GSK3B: variants seen among roughly 807,000 people sequenced by gnomAD.
GSK3B encodes glycogen synthase kinase 3 beta, also known as glycogen synthase kinase-3 beta.
GSK3B carries 15 observed loss-of-function variants against 56.4 expected under a neutral mutation model. That is an observed-to-expected ratio of 0.27 (90% CI 0.18 to 0.41). The LOEUF is 0.41. Ranked by LOEUF, GSK3B falls within the 10% of genes least tolerant of loss-of-function variation. GSK3B has a pLI of 1.00. For synonymous variants in GSK3B, 181 were observed against 188.9 expected (o/e 0.96, Z 0.34); for missense variants, 300 against 513.4 (o/e 0.58, Z 4.02).
chr3:120,047,344 G>A (rs2058112241), intron 1 of GSK3B, among the ~76,000 whole-genome samples: 1 of 152,180 alleles, frequency 6.6e-6, no homozygotes, highest in African/African-American at 2.4e-5. Context: ...ATACTCTCAA[G>A]AAGGCAATCC....
chr3:119,976,785 ATAG>A (rs370279990), intron 2 of GSK3B, among the ~76,000 whole-genome samples: 5 of 144,010 alleles, frequency 3.5e-5, no homozygotes, highest in Non-Finnish European at 4.5e-5. Flanking sequence ...AAAAAAAAAA[ATAG>A]AAAGGTTTTA....
At chr3:120,035,369 G>T (rs1044548128) in intron 1 of GSK3B, among the ~76,000 whole-genome samples, 2 of 152,184 alleles carry the variant, frequency 1.3e-5, no homozygotes, top group African/African-American at 4.8e-5. Context: ...TAAACTGTGA[G>T]AAAAATTTCG....
intron 10 of GSK3B, among the ~76,000 whole-genome samples, chr3:119,837,312 G>A (rs1476386186): frequency 3.9e-5 from 5 of 126,898 alleles, no homozygotes; most frequent in South Asian, 2.9e-4. Flanking sequence ...CCGCTACTAC[G>A]CCCGGCTAAT....
At chr3:120,000,821 C>CAA (rs57916840) in intron 2 of GSK3B, among the ~76,000 whole-genome samples, 236 of 67,264 alleles carry the variant, frequency 3.5e-3, no homozygotes, top group South Asian at 0.012. Flanking sequence ...GGGAAGATAG[C>CAA]AAAAAAAAAA....
At chr3:119,993,099 A>G (rs982610769) in intron 2 of GSK3B, among the ~76,000 whole-genome samples, 1 of 151,936 alleles carries the variant, frequency 6.6e-6, no homozygotes, top group African/African-American at 2.4e-5. Context: ...AAGAAAAAGC[A>G]AAGTACAAAA....
intron 7 of GSK3B, among the ~76,000 whole-genome samples, chr3:119,883,879 G>C (rs1315153865): frequency 1.3e-5 from 2 of 152,144 alleles, no homozygotes; most frequent in African/African-American, 4.8e-5. Context: ...GCATGAAGGA[G>C]TAGATCAGAA....
intron 3 of GSK3B, among the ~76,000 whole-genome samples, chr3:119,946,942 G>A (rs1346214633): frequency 6.6e-6 from 1 of 151,304 alleles, no homozygotes; most frequent in Non-Finnish European, 1.5e-5. Flanking sequence ...GCAATAAATA[G>A]GTAAACTATC....
chr3:120,032,954 C>A lies in GSK3B; in HGVS notation c.89-30715G>T, dbSNP rs146236240. ...CTTTCACAGGCTTGTGCAACCATCA[C>A]CCCAATCAATTTCATTACCCCAAAA... On this transcript the variant is annotated intron_variant, in intron 1 of 10. Coordinates refer to ENST00000264235, the MANE Select transcript of GSK3B (RefSeq NM_001146156.2). Among the ~76,000 whole-genome samples the A allele has an allele frequency of 7.9e-5, 12 of 152,290 alleles. No individual in the cohort carries two copies. The East Asian group carries it at 2.3e-3, about 29-fold the overall frequency.
In GSK3B at chr3:119,870,105, A is replaced by G. The variant is rs1243387437; in HGVS notation, c.909+6308T>C. On this transcript the variant is annotated intron_variant, in intron 8 of 10. Transcript: ENST00000264235. Reference sequence around the variant, plus strand: ...CCTAACCTTTTCTACACCTAGGCAAATCTTAAACCTCCCCTTCAACATCCC... The same window carrying G: ...CCTAACCTTTTCTACACCTAGGCAAGTCTTAAACCTCCCCTTCAACATCCC... Among the ~76,000 whole-genome samples, 4 of 152,164 alleles carry G rather than the reference A, an allele frequency of 2.6e-5. No individual in the cohort carries two copies. The East Asian group carries it at 7.7e-4, about 29-fold the overall frequency.
chr3:120,001,972 C>A, intron 2 of GSK3B, 74 bp downstream of exon 2: 4 of 960,312 alleles, frequency 4.2e-6, no homozygotes, highest in Admixed American at 2.9e-5. Flanking sequence ...CAAAAAGAAG[C>A]AACTAAAAAA....
At chr3:119,939,094 G>C (rs1474553755) in intron 3 of GSK3B, among the ~76,000 whole-genome samples, 1 of 151,954 alleles carries the variant, frequency 6.6e-6, no homozygotes, top group Non-Finnish European at 1.5e-5. Context: ...GCTGGGGGGA[G>C]AGAAAATAGT....
rs539566901 is a variant in GSK3B, at chr3:119,936,822, T to C, written c.366+10446A>G. ...GACTTCAATATACCACTCTCAATAA[T>C]GAACAGAACATCAAGACAGATCAAT... On this transcript the variant is annotated intron_variant, in intron 3 of 10. Coordinates refer to ENST00000264235, the MANE Select transcript of GSK3B (RefSeq NM_001146156.2). Among the ~76,000 whole-genome samples, 13 of 151,856 alleles carry C rather than the reference T, an allele frequency of 8.6e-5. 1 individual carries two copies. The highest frequency in any genetic ancestry group is 2.7e-4 in the African/African-American group (11 of 41,292).
intron 1 of GSK3B, among the ~76,000 whole-genome samples, chr3:120,039,939 T>C (rs535764402): frequency 6.6e-6 from 1 of 152,214 alleles, no homozygotes; most frequent in East Asian, 1.9e-4. Flanking sequence ...TCCTCTCCCG[T>C]GAAGAGGTGC....
rs1239405366 is a variant in GSK3B at position 119,822,825 on chromosome 3, CA to C, written c.*3962del. Reference sequence around the variant, plus strand: ...TCAGTTGAAAAGAAAGAAAACCCCCCAAATTCCTGGGGATCTGGCATTGGCC... The same window carrying C: ...TCAGTTGAAAAGAAAGAAAACCCCCCAATTCCTGGGGATCTGGCATTGGCC... On this transcript the variant is annotated 3_prime_UTR_variant, in exon 11 of 11. Transcript: ENST00000264235. 33 of 228,326 alleles carry C rather than the reference CA, an allele frequency of 1.4e-4. No individual in the cohort carries two copies. In the East Asian group the frequency reaches 1.9e-3, roughly 13 times the overall value. 14.1% of individuals were successfully genotyped at this position (228,326 alleles called of 1,614,324 possible).
At chr3:119,857,046 A>C (rs948170673) in intron 9 of GSK3B, among the ~76,000 whole-genome samples, 30 of 152,188 alleles carry the variant, frequency 2.0e-4, no homozygotes, top group African/African-American at 6.0e-4. Flanking sequence ...TCTAAAAAAA[A>C]CCACATATAT....
chr3:119,910,558 T>G (rs2056725775), intron 6 of GSK3B, among the ~76,000 whole-genome samples: 1 of 152,240 alleles, frequency 6.6e-6, no homozygotes, highest in African/African-American at 2.4e-5. Context: ...TTGATGTCGA[T>G]GGCTGCTGAC....
intron 10 of GSK3B, among the ~76,000 whole-genome samples, chr3:119,833,850 G>A (rs1349795681): frequency 1.3e-5 from 2 of 151,730 alleles, no homozygotes; most frequent in African/African-American, 2.4e-5. Context: ...GCACCACCAT[G>A]CCTGGCTAAA....
At chr3:119,945,651 A>G (rs747805559) in intron 3 of GSK3B, among the ~76,000 whole-genome samples, 8 of 152,170 alleles carry the variant, frequency 5.3e-5, no homozygotes, top group Non-Finnish European at 1.2e-4. Context: ...CTGCTCTTCA[A>G]CTTCTTAAGA....
chr3:119,931,053 C>T (rs73175863), intron 3 of GSK3B, among the ~76,000 whole-genome samples: 2 of 152,170 alleles, frequency 1.3e-5, no homozygotes, highest in African/African-American at 4.8e-5. Flanking sequence ...CAGGGAATAA[C>T]CCCGAGGGGA....
Sources: gnomAD v4.1 joint callset for allele counts (sites outside exome capture counted in the v4.1 genomes callset) on GRCh38, gnomAD v4.1.1 for gene constraint, MANE v1.5 for transcripts, NCBI Gene and HGNC (gene_info 2026-07-23, HGNC 2026-07-21) for gene names.